The following RBL1 variants were observed in gnomAD, a reference collection of about 807,000 sequenced individuals.
RBL1 encodes RB transcriptional corepressor like 1.
Under a neutral mutation model 123.0 loss-of-function variants are expected in RBL1, and 82 were observed. The observed-to-expected ratio is 0.67, with a 90% CI of 0.56 to 0.80. The LOEUF (loss-of-function observed/expected upper bound fraction) is 0.80, where lower values mean the gene tolerates loss of function less well. RBL1 is among the 30% of genes least tolerant of loss of function. RBL1 has a pLI of 0.00. For missense variants in RBL1, 1,171 were observed against 1,299.6 expected (o/e 0.90, Z 1.52); for synonymous variants, 405 against 441.3 (o/e 0.92, Z 1.03).
intron 6 of RBL1, 86 bp from the exon 7 acceptor site, chr20:37,065,559 T>G: frequency 1.2e-6 from 1 of 843,332 alleles, no homozygotes. Flanking sequence ...AATTTCCATA[T>G]TGTTATAACA....
intron 3 of RBL1, among the ~76,000 whole-genome samples, chr20:37,067,638 T>TGCAC (rs2065199600): frequency 1.3e-5 from 2 of 151,114 alleles, no homozygotes; most frequent in African/African-American, 4.9e-5. Flanking sequence ...GACGGGGTGG[T>TGCAC]GCACACCTGT....
At chr20:37,055,443 A>G in intron 11 of RBL1, 110 bp downstream of exon 11, 1 of 1,538,864 alleles carries the variant, frequency 6.5e-7, no homozygotes, top group South Asian at 1.2e-5. Flanking sequence ...ATCCTGGCCA[A>G]GTGTGTCATA....
chr20:37,061,039 A>T, intron 9 of RBL1, 64 bp downstream of exon 9: 3 of 1,428,298 alleles, frequency 2.1e-6, no homozygotes, highest in Non-Finnish European at 2.8e-6. Flanking sequence ...TATACTAAAA[A>T]TAGAATGGAA....
chr20:37,054,699 G>A (rs1262895826), intron 11 of RBL1, among the ~76,000 whole-genome samples: 4 of 150,268 alleles, frequency 2.7e-5, no homozygotes, highest in Non-Finnish European at 5.9e-5. Flanking sequence ...GCGTGGTGGC[G>A]GGCGCCTGTA....
At chr20:37,009,098 C>T (rs1028504265) in intron 19 of RBL1, among the ~76,000 whole-genome samples, 2 of 151,870 alleles carry the variant, frequency 1.3e-5, no homozygotes, top group Non-Finnish European at 2.9e-5. Context: ...AATCTCGGCT[C>T]ACTGCAGTCT....
At chr20:37,085,216 T>C (rs4812775) in intron 2 of RBL1, among the ~76,000 whole-genome samples, 149,002 of 150,840 alleles carry the variant, frequency 0.99, 73,618 homozygotes, top group Non-Finnish European at 1. Context: ...GCTGCAACCT[T>C]CGCCTCCCTG....
At chr20:37,041,741 A>G (rs1329035429) in intron 13 of RBL1, among the ~76,000 whole-genome samples, 4 of 152,204 alleles carry the variant, frequency 2.6e-5, no homozygotes, top group African/African-American at 9.6e-5. Flanking sequence ...AAAAAGCAGA[A>G]GCAAAAGAAA....
Position 37,057,275 on chromosome 20 carries a change from G to A in RBL1, c.1251-1017C>T, listed in dbSNP as rs138983002. On this transcript the variant is annotated intron_variant, in intron 9 of 21. Transcript: ENST00000373664. ...ATTTTTAATTTTTTGAGGAACGTCC[G>A]TACTGTTTTCCATAGTGGCTGCACC... Among the ~76,000 whole-genome samples, 20 of 152,244 alleles carry A rather than the reference G, an allele frequency of 1.3e-4. No individual in the cohort carries two copies. In the South Asian group the frequency reaches 3.3e-3, roughly 25 times the overall value.
At chr20:37,086,553 TA>T (rs1341868870) in intron 2 of RBL1, among the ~76,000 whole-genome samples, 1 of 151,602 alleles carries the variant, frequency 6.6e-6, no homozygotes, top group African/African-American at 2.4e-5. Flanking sequence ...AAAATAAAAA[TA>T]AAAAAAAATT....
At chr20:37,036,251 T>C (rs765144838) in intron 14 of RBL1, among the ~76,000 whole-genome samples, 1 of 152,136 alleles carries the variant, frequency 6.6e-6, no homozygotes, top group Non-Finnish European at 1.5e-5. Context: ...TCCTTACAGG[T>C]AGGTCAATAA....
chr20:37,005,036 G>A (rs992375702), intron 20 of RBL1, among the ~76,000 whole-genome samples: 1 of 151,854 alleles, frequency 6.6e-6, no homozygotes, highest in African/African-American at 2.4e-5. Context: ...GTGAGACTCT[G>A]TCTCAAAAGA....
chr20:37,058,245 C>G (rs992658577), intron 9 of RBL1, among the ~76,000 whole-genome samples: 4 of 151,590 alleles, frequency 2.6e-5, no homozygotes, highest in Admixed American at 1.3e-4. Flanking sequence ...AAATGGCAGC[C>G]CTTGGCTCAT....
chr20:37,000,987 CCTCTGCCT>C (rs2063967383), intron 21 of RBL1, among the ~76,000 whole-genome samples: 2 of 143,406 alleles, frequency 1.4e-5, no homozygotes, highest in Non-Finnish European at 1.5e-5. Context: ...GAGAGGAGCC[CCTCTGCCT>C]GGCCAGCCGC....
intron 1 of RBL1, 60 bp downstream of exon 1, chr20:37,095,713 C>T: frequency 7.0e-7 from 1 of 1,430,120 alleles, no homozygotes; most frequent in African/African-American, 1.4e-5. Flanking sequence ...GAGGAAGGGG[C>T]GGGGCAGGGG....
At chr20:37,067,580 C>A (rs2065198517) in intron 3 of RBL1, among the ~76,000 whole-genome samples, 1 of 151,520 alleles carries the variant, frequency 6.6e-6, no homozygotes, top group Non-Finnish European at 1.5e-5. Context: ...ACCACCTTGG[C>A]CAACACGGTG....
At chr20:37,021,360 T>C (rs1021265400) in intron 17 of RBL1, among the ~76,000 whole-genome samples, 4 of 152,218 alleles carry the variant, frequency 2.6e-5, no homozygotes, top group African/African-American at 4.8e-5. Context: ...TCTATAATGA[T>C]GAGCTAGAAA....
At chr20:37,025,753 T>G (rs1216220999) in intron 16 of RBL1, among the ~76,000 whole-genome samples, 4 of 151,404 alleles carry the variant, frequency 2.6e-5, no homozygotes, top group Non-Finnish European at 4.4e-5. Flanking sequence ...TGGGTTTTTT[T>G]TTTTTTTGAG....
intron 16 of RBL1, among the ~76,000 whole-genome samples, chr20:37,026,610 AG>A (rs2064426231): frequency 6.6e-6 from 1 of 151,842 alleles, no homozygotes; most frequent in Non-Finnish European, 1.5e-5. Flanking sequence ...AGGCTGAGGC[AG>A]GAGAATTGCT....
chr20:37,000,935 G>A (rs1378550972), intron 21 of RBL1, among the ~76,000 whole-genome samples: 1 of 143,990 alleles, frequency 6.9e-6, no homozygotes, highest in South Asian at 2.2e-4. Flanking sequence ...CGCCCCATCC[G>A]GGAGGTGAGG....
Sources: allele counts gnomAD v4.1 joint callset (sites outside exome capture counted in the v4.1 genomes callset), GRCh38; gene constraint gnomAD v4.1.1; transcripts MANE v1.5; gene names NCBI Gene and HGNC (gene_info 2026-07-23, HGNC 2026-07-21).